BTG4: variants seen among roughly 807,000 people sequenced by gnomAD.
BTG4 encodes BTG anti-proliferation factor 4.
BTG4 carries 10 observed loss-of-function variants against 19.3 expected under a neutral mutation model. The observed-to-expected ratio is 0.52, with a 90% CI of 0.32 to 0.88. BTG4 has a LOEUF of 0.88. Among genes scored for constraint, BTG4 ranks in the 40% least tolerant of loss-of-function variants. The pLI is 0.04. For synonymous variants in BTG4, 91 were observed against 95.7 expected, an observed-to-expected ratio of 0.95 and a Z score of 0.29; for missense variants, 238 against 281.9, an observed-to-expected ratio of 0.84 and a Z score of 1.11.
the BTG4 span, among the ~76,000 whole-genome samples, chr11:111,406,967 C>T: frequency 1.3e-5 from 2 of 152,138 alleles, no homozygotes; most frequent in Non-Finnish European, 2.9e-5. Flanking sequence ...AGGCAAGTTA[C>T]CTACTTTCTC....
chr11:111,414,266 A>T, the BTG4 span: 1 of 152,208 alleles, frequency 6.6e-6, no homozygotes, highest in Non-Finnish European at 1.5e-5. Flanking sequence ...ATTTTTAATG[A>T]TGGATCACCT....
the BTG4 span, among the ~76,000 whole-genome samples, chr11:111,444,865 C>T: frequency 2.0e-5 from 3 of 151,940 alleles, no homozygotes; most frequent in Non-Finnish European, 4.4e-5. Context: ...TAAAAGCTGG[C>T]GTGGGGGATT....
At chr11:111,478,977 A>T (rs1205379248) in intron 5 of BTG4, among the ~76,000 whole-genome samples, 1 of 152,058 alleles carries the variant, frequency 6.6e-6, no homozygotes, top group Non-Finnish European at 1.5e-5. Context: ...AAAACTTTCC[A>T]AATTTGGAAA....
chr11:111,488,562 C>A lies in BTG4; in HGVS notation c.662+6601G>T, dbSNP rs1376572982. Among the ~76,000 whole-genome samples, 3 of 152,088 alleles carry A rather than the reference C, an allele frequency of 2.0e-5. No homozygotes were observed. In the East Asian group the frequency reaches 5.8e-4, roughly 29 times the overall value. On this transcript the variant is annotated intron_variant, in intron 5 of 5. Coordinates refer to the BTG4 transcript ENST00000356018. ...GGGCAAAGGTTTCTTGGGAAGACCT[C>A]AAAATCAGGCAACCGAAACAAAAAT...
the BTG4 span, among the ~76,000 whole-genome samples, chr11:111,393,726 C>G: frequency 6.6e-6 from 1 of 152,150 alleles, no homozygotes. Context: ...AGTGACATGA[C>G]CTGTCCCCAA....
downstream of BTG4, chr11:111,463,619 T>C (rs2135499582): frequency 6.6e-6 from 1 of 152,534 alleles, no homozygotes; most frequent in Non-Finnish European, 1.5e-5. Flanking sequence ...AGGAAGAACA[T>C]TAGAGGAACC....
chr11:111,498,531 A>C, intron 2 of BTG4, 73 bp downstream of exon 2: 1 of 1,324,992 alleles, frequency 7.5e-7, no homozygotes, highest in South Asian at 1.3e-5. Flanking sequence ...AAACAAGATC[A>C]CTCCATTTTC....
At chr11:111,447,779 C>T in the BTG4 span, among the ~76,000 whole-genome samples, 2 of 152,304 alleles carry the variant, frequency 1.3e-5, no homozygotes, top group South Asian at 2.1e-4. Flanking sequence ...AGATTTCATC[C>T]TCATGAAATA....
At chr11:111,513,169 T>C (rs1369882508), upstream of BTG4, 2 of 378,240 alleles carry the variant, frequency 5.3e-6, no homozygotes, top group African/African-American at 4.3e-5. Context: ...AAACCCGCGG[T>C]TTCTCCAGAT....
the BTG4 span, among the ~76,000 whole-genome samples, chr11:111,390,310 G>A: frequency 6.6e-6 from 1 of 152,132 alleles, no homozygotes; most frequent in East Asian, 1.9e-4. Context: ...TGGCATTAAG[G>A]ATGGAACAGT....
chr11:111,403,179 C>G, the BTG4 span, among the ~76,000 whole-genome samples: 1 of 152,186 alleles, frequency 6.6e-6, no homozygotes, highest in Admixed American at 6.5e-5. Flanking sequence ...TGGGTGATTT[C>G]TCTACTTGAG....
the BTG4 span, among the ~76,000 whole-genome samples, chr11:111,460,630 C>T: frequency 6.6e-6 from 1 of 152,158 alleles, no homozygotes. Context: ...AGCAGAGAGA[C>T]AGCAGAGAAA....
chr11:111,462,066 A>C, the BTG4 span: 16 of 152,726 alleles, frequency 1.0e-4, no homozygotes, highest in African/African-American at 3.6e-4. Context: ...CACAGTCCCC[A>C]CCCATCTGCC....
intron 5 of BTG4, among the ~76,000 whole-genome samples, chr11:111,474,798 A>G (rs916477300): frequency 2.0e-5 from 3 of 152,150 alleles, no homozygotes; most frequent in African/African-American, 7.2e-5. Context: ...CATTTCTATC[A>G]GCACTTAGTA....
intron 1 of BTG4, among the ~76,000 whole-genome samples, chr11:111,509,986 A>G (rs1866758518): frequency 7.3e-6 from 1 of 136,306 alleles, no homozygotes; most frequent in African/African-American, 2.8e-5. Flanking sequence ...ATCTCGGCTC[A>G]CTGCAACCTC....
chr11:111,449,529 C>T, the BTG4 span: 6 of 152,420 alleles, frequency 3.9e-5, no homozygotes, highest in Non-Finnish European at 5.9e-5. Flanking sequence ...CCTTGGCCTT[C>T]CTGCCCCTCC....
At chr11:111,454,816 T>A in the BTG4 span, 2 of 338,956 alleles carry the variant, frequency 5.9e-6, no homozygotes, top group African/African-American at 5.0e-5. Context: ...TCTTTCCAAG[T>A]GTCTGGGTTG....
At chr11:111,458,759 G>A in the BTG4 span, among the ~76,000 whole-genome samples, 2 of 151,816 alleles carry the variant, frequency 1.3e-5, no homozygotes, top group Non-Finnish European at 2.9e-5. Context: ...CATCTTCCTG[G>A]AGTTAATCTC....
At chr11:111,469,608 C>A (rs750825872) in intron 5 of BTG4, among the ~76,000 whole-genome samples, 2 of 152,194 alleles carry the variant, frequency 1.3e-5, no homozygotes, top group African/African-American at 2.4e-5. Flanking sequence ...GGCTGTTTAA[C>A]AGTTCACACA....
Sources: allele counts gnomAD v4.1 joint callset (sites outside exome capture counted in the v4.1 genomes callset), GRCh38; gene constraint gnomAD v4.1.1; transcripts MANE v1.5; gene names NCBI Gene and HGNC (gene_info 2026-07-23, HGNC 2026-07-21).